EEFSEC: variants seen among roughly 807,000 people sequenced by gnomAD.
The protein encoded by EEFSEC is eukaryotic elongation factor, selenocysteine-tRNA specific, also known as selenocysteine-specific elongation factor.
A neutral mutation model predicts 42.1 loss-of-function variants in EEFSEC; 43 were observed. The ratio of observed to expected loss-of-function variants is 1.02; its 90% CI spans 0.80 to 1.32. The LOEUF (loss-of-function observed/expected upper bound fraction) is 1.32, where lower values mean the gene tolerates loss of function less well. Ranked by LOEUF, EEFSEC falls within the 40% of genes most tolerant of loss-of-function variation. The pLI is 0.00. For missense variants in EEFSEC, 745 were observed against 803.6 expected, an observed-to-expected ratio of 0.93 and a Z score of 0.88; for synonymous variants, 354 against 339.1, an observed-to-expected ratio of 1.04 and a Z score of -0.48.
At chr3:128,352,963 TCTA>T (rs2067406491) in intron 5 of EEFSEC, among the ~76,000 whole-genome samples, 1 of 152,246 alleles carries the variant, frequency 6.6e-6, no homozygotes, top group South Asian at 2.1e-4. Context: ...TTTCTCTTAT[TCTA>T]TTGTCTCCAG....
intron 1 of EEFSEC, among the ~76,000 whole-genome samples, chr3:128,173,242 C>T (rs1431912786): frequency 6.6e-6 from 1 of 152,188 alleles, no homozygotes; most frequent in Non-Finnish European, 1.5e-5. Flanking sequence ...CTGGAACCAT[C>T]AGTTTCCAAA....
intron 4 of EEFSEC, among the ~76,000 whole-genome samples, chr3:128,304,799 G>C (rs927388837): frequency 2.6e-5 from 4 of 151,898 alleles, no homozygotes; most frequent in Non-Finnish European, 4.4e-5. Flanking sequence ...GACCTCCCAG[G>C]CTCAGATGAT....
At chr3:128,212,221 G>A (rs1000554173) in intron 1 of EEFSEC, among the ~76,000 whole-genome samples, 14 of 152,198 alleles carry the variant, frequency 9.2e-5, no homozygotes, top group Admixed American at 5.2e-4. Context: ...GTTTGGAAAC[G>A]TCTATGATTT....
intron 6 of EEFSEC, among the ~76,000 whole-genome samples, chr3:128,360,115 G>C (rs550706499): frequency 2.0e-5 from 3 of 152,334 alleles, no homozygotes; most frequent in African/African-American, 7.2e-5. Context: ...CCCAGCCATG[G>C]GAGGCCTCCA....
intron 1 of EEFSEC, among the ~76,000 whole-genome samples, chr3:128,181,606 G>A (rs920209914): frequency 6.6e-6 from 1 of 152,182 alleles, no homozygotes; most frequent in African/African-American, 2.4e-5. Context: ...TCCTTTGAAA[G>A]GTCTTTCTTG....
chr3:128,365,165 C>T (rs539551131), intron 6 of EEFSEC, among the ~76,000 whole-genome samples: 4 of 152,366 alleles, frequency 2.6e-5, no homozygotes, highest in South Asian at 4.1e-4. Flanking sequence ...TTGGGCCCTC[C>T]GTGTACAGAC....
At chr3:128,215,241 C>G (rs2065797792) in intron 1 of EEFSEC, among the ~76,000 whole-genome samples, 1 of 152,074 alleles carries the variant, frequency 6.6e-6, no homozygotes, top group Non-Finnish European at 1.5e-5. Flanking sequence ...GGGTGAAGCT[C>G]CTTTTGTGTC....
At chr3:128,275,295 G>A (rs1032301314) in intron 4 of EEFSEC, among the ~76,000 whole-genome samples, 5 of 152,208 alleles carry the variant, frequency 3.3e-5, no homozygotes, top group African/African-American at 1.2e-4. Context: ...GCAAGCATGG[G>A]TGCTGCCTGG....
intron 1 of EEFSEC, among the ~76,000 whole-genome samples, chr3:128,217,228 A>G (rs952926934): frequency 2.0e-5 from 3 of 152,088 alleles, no homozygotes; most frequent in Admixed American, 2.0e-4. Context: ...TAGGATGGAG[A>G]GTAATGTAAT....
chr3:128,322,360 G>A (rs986968025), intron 4 of EEFSEC, among the ~76,000 whole-genome samples: 1 of 152,244 alleles, frequency 6.6e-6, no homozygotes, highest in African/African-American at 2.4e-5. Flanking sequence ...CCCACATGGG[G>A]CAAGTGCTCA....
At chr3:128,326,586 C>T (rs116424631) in intron 4 of EEFSEC, among the ~76,000 whole-genome samples, 3 of 152,170 alleles carry the variant, frequency 2.0e-5, no homozygotes, top group Non-Finnish European at 4.4e-5. Flanking sequence ...AGCCAGGAGG[C>T]TCAGAAGTGC....
At chr3:128,182,808 T>G (rs912295661) in intron 1 of EEFSEC, among the ~76,000 whole-genome samples, 17 of 144,158 alleles carry the variant, frequency 1.2e-4, no homozygotes, top group Non-Finnish European at 3.0e-5. Context: ...CCACCAGCCC[T>G]GCTGCTAGCA....
At chr3:128,223,616 C>A (rs967965611) in intron 1 of EEFSEC, among the ~76,000 whole-genome samples, 5 of 152,076 alleles carry the variant, frequency 3.3e-5, no homozygotes, top group African/African-American at 1.2e-4. Flanking sequence ...AAAGAGTGTA[C>A]CTTTAAGTAA....
downstream of EEFSEC, among the ~76,000 whole-genome samples, chr3:128,410,529 A>C (rs1183800365): frequency 2.6e-5 from 4 of 152,170 alleles, no homozygotes; most frequent in Non-Finnish European, 5.9e-5. Context: ...ACACAGGGCG[A>C]ATGTGGCTGC....
At chr3:128,160,740 T>G (rs888223249) in intron 1 of EEFSEC, among the ~76,000 whole-genome samples, 1 of 152,178 alleles carries the variant, frequency 6.6e-6, no homozygotes, top group Non-Finnish European at 1.5e-5. Flanking sequence ...TGATGATATC[T>G]CTGAAGTTTA....
intron 1 of EEFSEC, among the ~76,000 whole-genome samples, chr3:128,158,913 A>C (rs2955114): frequency 0.15 from 22,796 of 152,244 alleles, 1,828 homozygotes; most frequent in Admixed American, 0.2. Flanking sequence ...TTTTTTATTT[A>C]GACTAAAACT....
chr3:128,230,176 G>T (rs965846562), intron 1 of EEFSEC, among the ~76,000 whole-genome samples: 1 of 132,070 alleles, frequency 7.6e-6, no homozygotes, highest in Admixed American at 8.1e-5. Context: ...AGACAAGATC[G>T]TGCTCTGTGG....
At chr3:128,345,251 T>C (rs918819853) in intron 5 of EEFSEC, among the ~76,000 whole-genome samples, 2 of 152,206 alleles carry the variant, frequency 1.3e-5, no homozygotes, top group East Asian at 1.9e-4. Context: ...TCATTATTAA[T>C]GTTTAAGCTC....
intron 2 of EEFSEC, among the ~76,000 whole-genome samples, chr3:128,259,592 T>C (rs748747169): frequency 3.9e-5 from 6 of 152,334 alleles, no homozygotes; most frequent in Admixed American, 1.3e-4. Context: ...CACTATCTAA[T>C]TCCAGAACAT....
Sources: allele counts gnomAD v4.1 joint callset (sites outside exome capture counted in the v4.1 genomes callset), GRCh38; gene constraint gnomAD v4.1.1; transcripts MANE v1.5; gene names NCBI Gene and HGNC (gene_info 2026-07-23, HGNC 2026-07-21).